Variants in STARD13 observed in about 807,000 individuals in gnomAD.
The protein encoded by STARD13 is stAR-related lipid transfer protein 13.
A neutral mutation model predicts 106.4 loss-of-function variants in STARD13; 62 were observed. The observed-to-expected ratio is 0.58, with a 90% CI of 0.48 to 0.72. The LOEUF (loss-of-function observed/expected upper bound fraction) is 0.72, where lower values mean the gene tolerates loss of function less well. STARD13 is among the 30% of genes least tolerant of loss of function. The pLI, the probability that STARD13 is intolerant of heterozygous loss-of-function variation, is 0.00. For synonymous variants in STARD13, 565 were observed against 553.0 expected (o/e 1.02, Z -0.31); for missense variants, 1,387 against 1,424.0 (o/e 0.97, Z 0.42).
At chr13:33,184,132 A>T (rs1656223256) in intron 1 of STARD13, among the ~76,000 whole-genome samples, 1 of 152,136 alleles carries the variant, frequency 6.6e-6, no homozygotes, top group African/African-American at 2.4e-5. Context: ...ACCTCCTCCA[A>T]CAAACCTTTC....
chr13:33,140,641 T>A (rs1046189815), intron 4 of STARD13, among the ~76,000 whole-genome samples: 1 of 152,260 alleles, frequency 6.6e-6, no homozygotes, highest in Non-Finnish European at 1.5e-5. Context: ...TTTTTGGTGT[T>A]ATTTTACAGC....
chr13:33,204,965 T>C (rs1285841389), intron 1 of STARD13, among the ~76,000 whole-genome samples: 10 of 152,192 alleles, frequency 6.6e-5, no homozygotes. Flanking sequence ...GTAAAAGAAT[T>C]GACTTTTTCC....
At chr13:33,144,560 C>CCT (rs1306543701) in intron 3 of STARD13, among the ~76,000 whole-genome samples, 2 of 152,198 alleles carry the variant, frequency 1.3e-5, no homozygotes, top group Non-Finnish European at 1.5e-5. Flanking sequence ...TTTTCAACCA[C>CCT]CTCCAATGTA....
the STARD13 span, among the ~76,000 whole-genome samples, chr13:33,523,852 CA>C: frequency 2.0e-5 from 3 of 152,078 alleles, no homozygotes; most frequent in Non-Finnish European, 4.4e-5. Flanking sequence ...GATCTCCGAA[CA>C]GTGGGAGACA....
chr13:33,308,399 T>G (rs1380310692), intron 1 of STARD13, among the ~76,000 whole-genome samples: 1 of 152,092 alleles, frequency 6.6e-6, no homozygotes, highest in Non-Finnish European at 1.5e-5. Flanking sequence ...TAGAAAAGCA[T>G]CTATCAATAT....
the STARD13 span, among the ~76,000 whole-genome samples, chr13:33,456,770 T>A: frequency 6.6e-6 from 1 of 152,100 alleles, no homozygotes; most frequent in East Asian, 1.9e-4. Context: ...AGGGACAAGG[T>A]GCCATCTATG....
intron 1 of STARD13, among the ~76,000 whole-genome samples, chr13:33,318,316 A>C (rs1893420275): frequency 6.6e-6 from 1 of 152,206 alleles, no homozygotes; most frequent in African/African-American, 2.4e-5. Flanking sequence ...CAGGATACCA[A>C]GAAAATTCAG....
intron 10 of STARD13, among the ~76,000 whole-genome samples, chr13:33,111,343 A>G (rs1252694259): frequency 5.3e-5 from 8 of 152,214 alleles, no homozygotes; most frequent in Non-Finnish European, 1.0e-4. Context: ...ATTCTATCAC[A>G]AAAGTATGCC....
At chr13:33,120,819 T>A (rs1566540270) in intron 7 of STARD13, among the ~76,000 whole-genome samples, 1 of 151,864 alleles carries the variant, frequency 6.6e-6, no homozygotes, top group Non-Finnish European at 1.5e-5. Flanking sequence ...TCACCCAGGC[T>A]GGAGTGCAGT....
At chr13:33,233,042 G>A (rs1889002706) in intron 1 of STARD13, among the ~76,000 whole-genome samples, 1 of 152,198 alleles carries the variant, frequency 6.6e-6, no homozygotes. Flanking sequence ...CAAACCCCTG[G>A]CACTTCAGTA....
At chr13:33,146,015 T>C (rs1477209833) in intron 3 of STARD13, among the ~76,000 whole-genome samples, 1 of 151,890 alleles carries the variant, frequency 6.6e-6, no homozygotes, top group East Asian at 1.9e-4. Flanking sequence ...AGAGGCCCTG[T>C]CGCTACAAAA....
At chr13:33,311,813 AG>A (rs1307634969) in intron 1 of STARD13, among the ~76,000 whole-genome samples, 1 of 152,232 alleles carries the variant, frequency 6.6e-6, no homozygotes, top group Non-Finnish European at 1.5e-5. Context: ...GATGAGGCCA[AG>A]GGCAGGGCCA....
chr13:33,313,748 A>T (rs1346584783), intron 1 of STARD13, among the ~76,000 whole-genome samples: 1 of 152,066 alleles, frequency 6.6e-6, no homozygotes, highest in Non-Finnish European at 1.5e-5. Context: ...CAGAGCCAAT[A>T]CTCTAATCCA....
chr13:33,223,849 T>C (rs1302559866), intron 1 of STARD13, among the ~76,000 whole-genome samples: 3 of 152,156 alleles, frequency 2.0e-5, no homozygotes, highest in Non-Finnish European at 4.4e-5. Context: ...CATATGGTGG[T>C]TGCCAGAGCA....
chr13:33,504,590 C>T, the STARD13 span, among the ~76,000 whole-genome samples: 1 of 128,160 alleles, frequency 7.8e-6, no homozygotes, highest in Non-Finnish European at 1.6e-5. Context: ...GAACATCACA[C>T]ACTGGGGCCT....
At chr13:33,504,566 G>A in the STARD13 span, among the ~76,000 whole-genome samples, 1 of 144,434 alleles carries the variant, frequency 6.9e-6, no homozygotes, top group Non-Finnish European at 1.5e-5. Flanking sequence ...GAGAATACTT[G>A]GACACAGGGT....
chr13:33,468,027 AT>A, the STARD13 span, among the ~76,000 whole-genome samples: 3 of 152,208 alleles, frequency 2.0e-5, no homozygotes, highest in African/African-American at 7.2e-5. Flanking sequence ...TAGCAATTGC[AT>A]TTAGTCACAG....
At chr13:33,385,867 A>C in the STARD13 span, among the ~76,000 whole-genome samples, 964 of 151,004 alleles carry the variant, frequency 6.4e-3, 13 homozygotes, top group Admixed American at 0.032. Flanking sequence ...AAAAAAACAA[A>C]AAAAAAAAAA....
chr13:33,164,538 C>T (rs990981984), intron 3 of STARD13: 15 of 152,190 alleles, frequency 9.9e-5, no homozygotes, highest in African/African-American at 3.4e-4. Context: ...TCCTTATCTT[C>T]AGCTCTGACC....
Sources: gnomAD v4.1 joint callset for allele counts (sites outside exome capture counted in the v4.1 genomes callset) on GRCh38, gnomAD v4.1.1 for gene constraint, MANE v1.5 for transcripts, NCBI Gene and HGNC (gene_info 2026-07-23, HGNC 2026-07-21) for gene names.